LRP1B: variants seen among roughly 807,000 people sequenced by gnomAD.
LRP1B encodes the protein LDL receptor related protein 1B, also known as low-density lipoprotein receptor-related protein 1B.
Under a neutral mutation model 556.6 loss-of-function variants are expected in LRP1B, and 217 were observed. The observed-to-expected ratio is 0.39, with a 90% confidence interval of 0.35 to 0.44. LRP1B has a LOEUF of 0.44. Ranked by LOEUF, LRP1B falls within the 20% of genes least tolerant of loss-of-function variation. LRP1B has a pLI of 1.00. For missense variants in LRP1B, 5,053 were observed against 5,620.8 expected, an observed-to-expected ratio of 0.90 and a Z score of 3.23; for synonymous variants, 2,047 against 1,865.8, an observed-to-expected ratio of 1.10 and a Z score of -2.50.
At chr2:140,842,904 T>C (rs1483253765) in intron 29 of LRP1B, among the ~76,000 whole-genome samples, 1 of 152,114 alleles carries the variant, frequency 6.6e-6, no homozygotes, top group Non-Finnish European at 1.5e-5. Flanking sequence ...TATAATACAT[T>C]AGATAATGTG....
intron 31 of LRP1B, among the ~76,000 whole-genome samples, chr2:140,839,041 G>C (rs191050163): frequency 8.6e-4 from 131 of 152,198 alleles, no homozygotes; most frequent in African/African-American, 2.6e-3. Context: ...TAAATGAACA[G>C]AGTGAATAAA....
intron 66 of LRP1B, among the ~76,000 whole-genome samples, chr2:140,429,992 G>A (rs1477851692): frequency 5.9e-5 from 9 of 151,896 alleles, no homozygotes; most frequent in African/African-American, 4.8e-5. Flanking sequence ...ACTTCAATCC[G>A]GCCTCCCTCA....
intron 7 of LRP1B, among the ~76,000 whole-genome samples, chr2:141,133,947 T>A (rs1701425669): frequency 6.6e-6 from 1 of 151,922 alleles, no homozygotes; most frequent in African/African-American, 2.4e-5. Flanking sequence ...CTATGGTTTA[T>A]AATAGAATGC....
At chr2:141,456,253 G>A (rs974098378) in intron 3 of LRP1B, among the ~76,000 whole-genome samples, 1 of 152,092 alleles carries the variant, frequency 6.6e-6, no homozygotes, top group Non-Finnish European at 1.5e-5. Flanking sequence ...TCACCAGATC[G>A]ATGTTACTTC....
At chr2:140,701,571 ACT>A (rs1686642660) in intron 40 of LRP1B, 148 bp downstream of exon 40, 1 of 725,984 alleles carries the variant, frequency 1.4e-6, no homozygotes, top group Non-Finnish European at 2.2e-6. Context: ...GTATTAGGCT[ACT>A]ATATGATACT....
At chr2:140,623,956 G>GTGTGTATATATATA (rs1339496296) in intron 41 of LRP1B, among the ~76,000 whole-genome samples, 1 of 106,436 alleles carries the variant, frequency 9.4e-6, no homozygotes, top group Non-Finnish European at 1.9e-5. Context: ...TTTTATTTAT[G>GTGTGTATATATATA]TATATATATA....
chr2:141,398,423 A>C, intron 3 of LRP1B, among the ~76,000 whole-genome samples: 1 of 152,216 alleles, frequency 6.6e-6, no homozygotes, highest in East Asian at 1.9e-4. Flanking sequence ...ATCTATTGCA[A>C]ACAAGCAAGC....
chr2:141,554,225 A>G (rs991961567), intron 2 of LRP1B, among the ~76,000 whole-genome samples: 4 of 140,742 alleles, frequency 2.8e-5, no homozygotes, highest in Non-Finnish European at 3.1e-5. Context: ...ACCTAGATAT[A>G]GATTATATAT....
chr2:141,761,971 T>C (rs1443430920), intron 2 of LRP1B, among the ~76,000 whole-genome samples: 2 of 152,164 alleles, frequency 1.3e-5, no homozygotes, highest in African/African-American at 2.4e-5. Context: ...CTATCATCTG[T>C]ATTCTAAGGT....
rs148045904 is a variant in LRP1B, at chr2:140,546,000, T to TTGTGTGTGTGTGTG, written c.7195-4043_7195-4030dup. ...CTCACTGGTTAGCTGTATTATTAGG[T>TTGTGTGTGTGTGTG]TGTGTGTGTGTGTGTGTGTGTGTGT... On this transcript the variant is annotated intron_variant, in intron 43 of 90. Transcript: ENST00000389484. Among the ~76,000 whole-genome samples, 1,107 of 142,662 alleles carry TTGTGTGTGTGTGTG rather than the reference T, an allele frequency of 7.8e-3. 17 individuals are homozygous for TTGTGTGTGTGTGTG. The highest frequency in any genetic ancestry group is 0.054 in the East Asian group (245 of 4,572). The allele number at this position is 142,662 out of a possible 152,430, so 93.6% of individuals were successfully genotyped here. A position where few individuals can be genotyped will look rare whatever the true frequency, so the allele number is the denominator to read the frequency against.
chr2:140,400,196 C>A (rs1380844642), intron 66 of LRP1B, among the ~76,000 whole-genome samples: 1 of 152,176 alleles, frequency 6.6e-6, no homozygotes, highest in Admixed American at 6.5e-5. Context: ...CTTTTAACAA[C>A]AAGCACATGC....
chr2:141,891,420 T>A (rs2104914659), intron 1 of LRP1B, among the ~76,000 whole-genome samples: 1 of 152,260 alleles, frequency 6.6e-6, no homozygotes, highest in South Asian at 2.1e-4. Flanking sequence ...ATCTCCAAAT[T>A]TTTGTTCTTC....
Position 141,423,290 on chromosome 2 carries a change from C to CCTTTTTTTTTTTTTTTTTT in LRP1B, c.343+57105_343+57106insAAAAAAAAAAAAAAAAAAG, listed in dbSNP as rs1321976263. 4.4e-5 allele frequency among the ~76,000 whole-genome samples: 3 copies of CCTTTTTTTTTTTTTTTTTT among 68,376 alleles called. 1 individual carries two copies. Among genetic ancestry groups the CCTTTTTTTTTTTTTTTTTT allele is most frequent in the Non-Finnish European group, 3.0e-5 (1 of 33,618 alleles). 44.9% of individuals were successfully genotyped at this position (68,376 alleles called of 152,430 possible). ...CCCTCTCACTAGGCAACAGCCAGAG[C>CCTTTTTTTTTTTTTTTTTT]TTTTTTTTTTTTTTTTTTTTTTTTT... On this transcript the variant is annotated intron_variant, in intron 3 of 90. Transcript: ENST00000389484.
Position 141,694,010 on chromosome 2 carries a change from CTG to C in LRP1B, c.205+116267_205+116268del, listed in dbSNP as rs143412661. Among the ~76,000 whole-genome samples, 73 of 152,136 alleles carry C rather than the reference CTG, an allele frequency of 4.8e-4. 1 individual carries two copies. The East Asian group carries it at 0.014, about 30-fold the overall frequency. On this transcript the variant is annotated intron_variant, in intron 2 of 90. Transcript: ENST00000389484. ...TGGAGTGCAAATACCTGTCCAAACTCTGCAGTTTGACAAAAAGAGGGGAACTT... is the reference window on the plus strand; with the variant it reads ...TGGAGTGCAAATACCTGTCCAAACTCCAGTTTGACAAAAAGAGGGGAACTT...
chr2:141,987,548 TG>T, intron 1 of LRP1B, among the ~76,000 whole-genome samples: 1 of 50,400 alleles, frequency 2.0e-5, no homozygotes, highest in African/African-American at 6.4e-5. Flanking sequence ...TGATTTAAGC[TG>T]TTTTTTTTTT....
intron 77 of LRP1B, among the ~76,000 whole-genome samples, chr2:140,338,332 C>T (rs2105091703): frequency 6.6e-6 from 1 of 151,746 alleles, no homozygotes; most frequent in South Asian, 2.1e-4. Context: ...TCCTCAATGA[C>T]TCACAATAAA....
intron 43 of LRP1B, among the ~76,000 whole-genome samples, chr2:140,552,936 T>C (rs1216114390): frequency 2.6e-5 from 4 of 152,112 alleles, no homozygotes; most frequent in Non-Finnish European, 4.4e-5. Flanking sequence ...ATCTTGGAAC[T>C]TCACTGGTGC....
At chr2:140,407,844 A>G (rs1684809895) in intron 66 of LRP1B, among the ~76,000 whole-genome samples, 1 of 151,994 alleles carries the variant, frequency 6.6e-6, no homozygotes, top group Non-Finnish European at 1.5e-5. Flanking sequence ...ATCCAAAAGA[A>G]AAGAAGTCAT....
At chr2:140,671,004 T>C (rs957014981) in intron 41 of LRP1B, among the ~76,000 whole-genome samples, 4 of 152,236 alleles carry the variant, frequency 2.6e-5, no homozygotes, top group Admixed American at 6.5e-5. Flanking sequence ...CCTACCATTT[T>C]AAATAAAAGT....
Sources: allele counts gnomAD v4.1 joint callset (sites outside exome capture counted in the v4.1 genomes callset), GRCh38; gene constraint gnomAD v4.1.1; transcripts MANE v1.5; gene names NCBI Gene and HGNC (gene_info 2026-07-23, HGNC 2026-07-21).